IL20RB: variants seen among roughly 807,000 people sequenced by gnomAD.
IL20RB encodes the protein interleukin 20 receptor subunit beta, also known as interleukin-20 receptor subunit beta.
A neutral mutation model predicts 33.3 loss-of-function variants in IL20RB; 21 were observed. That is an observed-to-expected ratio of 0.63 (90% confidence interval 0.45 to 0.91). The LOEUF is 0.91. Among genes scored for constraint, IL20RB ranks in the 40% least tolerant of loss-of-function variants. The pLI, the probability that IL20RB is intolerant of heterozygous loss-of-function variation, is 0.00. For synonymous variants in IL20RB, 147 were observed against 146.8 expected, an observed-to-expected ratio of 1.00 and a Z score of -0.01; for missense variants, 345 against 384.8, an observed-to-expected ratio of 0.90 and a Z score of 0.86.
At chr3:137,003,584 T>C (rs143067887) in intron 6 of IL20RB, among the ~76,000 whole-genome samples, 33 of 152,218 alleles carry the variant, frequency 2.2e-4, no homozygotes, top group Admixed American at 3.9e-4. Flanking sequence ...TAACGGTGTA[T>C]AGGAATGCTT....
intron 6 of IL20RB, among the ~76,000 whole-genome samples, chr3:137,001,737 T>C (rs1219982946): frequency 6.6e-6 from 1 of 152,184 alleles, no homozygotes; most frequent in Non-Finnish European, 1.5e-5. Flanking sequence ...ACATTAAGAA[T>C]TTTTTCCATT....
At chr3:137,003,728 T>G (rs1222082804) in intron 6 of IL20RB, among the ~76,000 whole-genome samples, 1 of 152,230 alleles carries the variant, frequency 6.6e-6, no homozygotes, top group Non-Finnish European at 1.5e-5. Context: ...ACAATTTGAC[T>G]TCCTCATTTC....
chr3:136,959,728 C>T (rs1941166426), intron 1 of IL20RB, among the ~76,000 whole-genome samples: 1 of 152,134 alleles, frequency 6.6e-6, no homozygotes, highest in African/African-American at 2.4e-5. Flanking sequence ...AAAACACACA[C>T]ACACCAAAAA....
intron 5 of IL20RB, among the ~76,000 whole-genome samples, chr3:136,994,504 C>T (rs1942089656): frequency 6.6e-6 from 1 of 152,086 alleles, no homozygotes; most frequent in Admixed American, 6.5e-5. Flanking sequence ...AAATATTTTC[C>T]AAAATCATGG....
At chr3:136,996,019 A>G (rs1942120328) in intron 6 of IL20RB, among the ~76,000 whole-genome samples, 1 of 152,214 alleles carries the variant, frequency 6.6e-6, no homozygotes, top group South Asian at 2.1e-4. Flanking sequence ...CATGGGAGGC[A>G]TGGACTGTGT....
intron 3 of IL20RB, among the ~76,000 whole-genome samples, chr3:136,987,777 G>A (rs888444754): frequency 4.6e-5 from 7 of 152,212 alleles, no homozygotes; most frequent in African/African-American, 1.4e-4. Context: ...GCACGGCGCC[G>A]GTGGGCTGGC....
intron 1 of IL20RB, among the ~76,000 whole-genome samples, chr3:136,979,662 C>T (rs1941719512): frequency 6.6e-6 from 1 of 152,170 alleles, no homozygotes; most frequent in East Asian, 1.9e-4. Context: ...TGTCTGGGTA[C>T]ACTCGGGGCA....
At chr3:136,997,138 G>T (rs1040017806) in intron 6 of IL20RB, among the ~76,000 whole-genome samples, 4 of 149,614 alleles carry the variant, frequency 2.7e-5, no homozygotes, top group African/African-American at 7.4e-5. Context: ...CGCTGTCATC[G>T]CCCAGGCTGG....
rs375962710 is a variant in IL20RB, at chr3:136,988,070, C to T, written c.407-1371C>T. Among the ~76,000 whole-genome samples the T allele has an allele frequency of 6.0e-3, 912 of 152,358 alleles. 12 individuals carry two copies. Among genetic ancestry groups the T allele is most frequent in the African/African-American group, 0.02 (817 of 41,590 alleles). ...GGTGGGCTGAAGGGCTCCTCAAGTG[C>T]GGCCAAAGTGGGAGCCCAGGCAGAG... On this transcript the variant is annotated intron_variant, in intron 3 of 6. Coordinates refer to ENST00000329582, the MANE Select transcript of IL20RB (RefSeq NM_144717.4).
chr3:136,975,173 C>G (rs1249793225), intron 1 of IL20RB, among the ~76,000 whole-genome samples: 1 of 151,948 alleles, frequency 6.6e-6, no homozygotes, highest in East Asian at 1.9e-4. Flanking sequence ...TGTCATATGT[C>G]CTTGCCTTTT....
At chr3:136,969,979 A>C (rs1400258270) in intron 1 of IL20RB, among the ~76,000 whole-genome samples, 2 of 150,496 alleles carry the variant, frequency 1.3e-5, no homozygotes, top group Non-Finnish European at 3.0e-5. Flanking sequence ...TATATTTTAC[A>C]TTTTTTTGCA....
In IL20RB at chr3:136,997,423, T is replaced by C. The variant is rs185490111; in HGVS notation, c.825+1867T>C. On this transcript the variant is annotated intron_variant, in intron 6 of 6. Coordinates refer to ENST00000329582, the MANE Select transcript of IL20RB (RefSeq NM_144717.4). ...TCTCTTTATGTCAGATTTTCCTTAA[T>C]GTATTTCGAGGCTCTGTTTTAAGTG... 6.0e-4 allele frequency among the ~76,000 whole-genome samples: 91 copies of C among 152,274 alleles called. No homozygotes were observed. In the Middle Eastern group the frequency reaches 0.01, roughly 17 times the overall value.
chr3:137,009,594 A>T (rs1440013888), intron 6 of IL20RB, among the ~76,000 whole-genome samples: 1 of 152,040 alleles, frequency 6.6e-6, no homozygotes, highest in Non-Finnish European at 1.5e-5. Flanking sequence ...GCTGGAGTGC[A>T]GTGGTGTGAT....
At chr3:136,959,769 T>C (rs1017192741) in intron 1 of IL20RB, among the ~76,000 whole-genome samples, 1 of 152,198 alleles carries the variant, frequency 6.6e-6, no homozygotes, top group African/African-American at 2.4e-5. Flanking sequence ...AAGGATGTCA[T>C]AGCCAGAAAG....
intron 6 of IL20RB, among the ~76,000 whole-genome samples, chr3:137,004,866 C>A (rs1210813674): frequency 6.6e-6 from 1 of 152,096 alleles, no homozygotes; most frequent in Non-Finnish European, 1.5e-5. Flanking sequence ...GTTAGGGTGT[C>A]AATTTTAGAT....
chr3:136,978,852 T>G (rs771961999), intron 1 of IL20RB, among the ~76,000 whole-genome samples: 1 of 152,218 alleles, frequency 6.6e-6, no homozygotes, highest in Non-Finnish European at 1.5e-5. Context: ...GTTGATGTTG[T>G]CATCTTTAAA....
Position 137,010,158 on chromosome 3 carries a change from G to A in IL20RB, c.871G>A (p.Glu291Lys), listed in dbSNP as rs1326105583. 1.2e-6 allele frequency: 2 copies of A among 1,609,160 alleles called. No homozygotes were observed. The highest frequency in any genetic ancestry group is 3.3e-5 in the Admixed American group (2 of 59,978). Residue 291 changes from glutamate to lysine, a missense_variant, in exon 7 of 7, where the codon GAG becomes AAG. Coordinates refer to ENST00000329582, the MANE Select transcript of IL20RB (RefSeq NM_144717.4). Reference protein sequence around the residue: ...PQKLISCRREEVDACATAVMS... With the variant: ...PQKLISCRREKVDACATAVMS... ...GAAGTTAATCAGCTGCAGAAGGGAG[G>A]AGGTGGATGCCTGTGCCACGGCTGT...
At position 137,010,315 on chromosome 3, in the gene IL20RB, G is replaced by T. The variant is rs1386726043; in HGVS notation, c.*92G>T. 2.8e-6 allele frequency: 2 copies of T among 724,096 alleles called. No homozygotes were observed. Among genetic ancestry groups the T allele is most frequent in the African/African-American group, 3.5e-5 (2 of 57,078 alleles). The allele number at this position is 724,096 out of a possible 1,614,324, so 44.9% of individuals were successfully genotyped here. ...AGTTGTGTTTCTGTTTTCCGCCACG[G>T]ACAAGGGATGAGAGAAGTAGGAAGA... is the stretch of plus-strand genomic sequence containing the variant. On this transcript the variant is annotated 3_prime_UTR_variant, in exon 7 of 7. Coordinates refer to ENST00000329582, the MANE Select transcript of IL20RB (RefSeq NM_144717.4).
At chr3:136,990,618 T>C (rs569916798) in intron 4 of IL20RB, among the ~76,000 whole-genome samples, 1 of 152,182 alleles carries the variant, frequency 6.6e-6, no homozygotes, top group Non-Finnish European at 1.5e-5. Flanking sequence ...AAGAATCCAA[T>C]TGGTCTTGCT....
Sources: allele counts gnomAD v4.1 joint callset (sites outside exome capture counted in the v4.1 genomes callset), GRCh38; gene constraint gnomAD v4.1.1; transcripts MANE v1.5; gene names NCBI Gene and HGNC (gene_info 2026-07-23, HGNC 2026-07-21).